CLSTN2: variants seen among roughly 807,000 people sequenced by gnomAD.
CLSTN2 encodes calsyntenin-2.
In CLSTN2, 48 loss-of-function variants were observed where a neutral mutation model predicts 101.2. The observed-to-expected ratio is 0.47, with a 90% confidence interval of 0.38 to 0.60. The LOEUF (loss-of-function observed/expected upper bound fraction) is 0.60. Among genes scored for constraint, CLSTN2 ranks in the 20% least tolerant of loss-of-function variants. The pLI, the probability that CLSTN2 is intolerant of heterozygous loss-of-function variation, is 0.00. For synonymous variants in CLSTN2, 481 were observed against 463.6 expected (o/e 1.04, Z -0.48); for missense variants, 1,160 against 1,238.2 (o/e 0.94, Z 0.95).
intron 8 of CLSTN2, among the ~76,000 whole-genome samples, chr3:140,531,217 T>C (rs1416843450): frequency 6.6e-6 from 1 of 152,162 alleles, no homozygotes; most frequent in Non-Finnish European, 1.5e-5. Flanking sequence ...CCCTCCTGCT[T>C]ACCTTCCAAA....
rs1560086118 is a variant in CLSTN2, at chr3:140,071,660, T to C, written c.110-104291T>C. On this transcript the variant is annotated intron_variant, in intron 1 of 16. Transcript: ENST00000458420. ...TCCTGTCTAACACGGTGAAACCCCA[T>C]CTCTACTAAAAATACAAAAAATTAG... Among the ~76,000 whole-genome samples the C allele has an allele frequency of 3.3e-5, 5 of 151,894 alleles. No homozygotes were observed. The South Asian group carries it at 6.2e-4, about 19-fold the overall frequency.
chr3:140,289,592 A>G (rs1272763508), intron 2 of CLSTN2, among the ~76,000 whole-genome samples: 2 of 152,296 alleles, frequency 1.3e-5, no homozygotes, highest in Non-Finnish European at 1.5e-5. Context: ...TGCCTCCAGA[A>G]TCAAGACCAA....
At chr3:140,081,938 T>C (rs1207767208) in intron 1 of CLSTN2, among the ~76,000 whole-genome samples, 1 of 152,194 alleles carries the variant, frequency 6.6e-6, no homozygotes, top group Non-Finnish European at 1.5e-5. Context: ...TATTGGCTGA[T>C]TCATTTAACT....
intron 2 of CLSTN2, among the ~76,000 whole-genome samples, chr3:140,243,474 G>A (rs1272503255): frequency 2.0e-5 from 3 of 152,210 alleles, no homozygotes; most frequent in Non-Finnish European, 2.9e-5. Flanking sequence ...GCAAGTTTGG[G>A]GGAACATGGG....
chr3:140,233,751 G>T (rs757162317), intron 2 of CLSTN2, among the ~76,000 whole-genome samples: 1 of 152,126 alleles, frequency 6.6e-6, no homozygotes, highest in Admixed American at 6.5e-5. Flanking sequence ...CCTGCATCCA[G>T]CTGGTTTTTT....
In CLSTN2 at chr3:140,370,806, G is replaced by A. The variant is rs577399461; in HGVS notation, c.233-32823G>A. Among the ~76,000 whole-genome samples the A allele has an allele frequency of 5.3e-5, 8 of 152,192 alleles. No homozygotes were observed. The South Asian group carries it at 1.2e-3, about 24-fold the overall frequency. Reference sequence around the variant, plus strand: ...TGATGTGAAGCTCCCAGCAGTTGGGGGCATGCTGGATGCATAAGTACACTT... The same window carrying A: ...TGATGTGAAGCTCCCAGCAGTTGGGAGCATGCTGGATGCATAAGTACACTT... On this transcript the variant is annotated intron_variant, in intron 2 of 16. Transcript: ENST00000458420.
intron 1 of CLSTN2, among the ~76,000 whole-genome samples, chr3:140,065,187 G>C (rs1397375078): frequency 6.6e-6 from 1 of 152,240 alleles, no homozygotes; most frequent in Admixed American, 6.5e-5. Context: ...ATGAGCAGGT[G>C]GTCTTCACCT....
intron 6 of CLSTN2, chr3:140,453,135 G>T (rs1933290818): frequency 6.6e-6 from 1 of 152,208 alleles, no homozygotes; most frequent in Non-Finnish European, 1.5e-5. Context: ...GTAGTCGGTG[G>T]TGCATATGCC....
At chr3:140,493,288 T>C (rs886545625) in intron 8 of CLSTN2, among the ~76,000 whole-genome samples, 1 of 152,190 alleles carries the variant, frequency 6.6e-6, no homozygotes, top group Non-Finnish European at 1.5e-5. Context: ...AGTCAGCAAA[T>C]TGAGAGCCTG....
intron 2 of CLSTN2, among the ~76,000 whole-genome samples, chr3:140,257,047 G>A (rs2086609661): frequency 6.6e-6 from 1 of 152,162 alleles, no homozygotes; most frequent in Non-Finnish European, 1.5e-5. Flanking sequence ...CCAGCACTTT[G>A]AATGGGCACT....
chr3:140,429,873 C>T (rs57048298), intron 5 of CLSTN2, among the ~76,000 whole-genome samples: 3 of 152,048 alleles, frequency 2.0e-5, no homozygotes, highest in Non-Finnish European at 4.4e-5. Context: ...GGCAGTTGGG[C>T]GTGTCTGGGG....
chr3:140,011,159 G>A (rs2007065012), intron 1 of CLSTN2, among the ~76,000 whole-genome samples: 1 of 152,232 alleles, frequency 6.6e-6, no homozygotes, highest in Non-Finnish European at 1.5e-5. Flanking sequence ...CTGAGCTTGA[G>A]CCATGGTGCT....
At chr3:140,286,090 C>A (rs1559829028) in intron 2 of CLSTN2, among the ~76,000 whole-genome samples, 1 of 152,150 alleles carries the variant, frequency 6.6e-6, no homozygotes, top group South Asian at 2.1e-4. Flanking sequence ...CAGATGGCCC[C>A]TGGAGCAAGA....
At chr3:140,355,190 T>G (rs116478622) in intron 2 of CLSTN2, among the ~76,000 whole-genome samples, 98 of 152,316 alleles carry the variant, frequency 6.4e-4, no homozygotes, top group African/African-American at 2.0e-3. Context: ...TAATGACACT[T>G]CTTAGAATGT....
intron 2 of CLSTN2, among the ~76,000 whole-genome samples, chr3:140,385,298 A>G (rs1025962888): frequency 3.3e-5 from 5 of 150,014 alleles, no homozygotes; most frequent in African/African-American, 4.9e-5. Context: ...GCTCACTCTC[A>G]TGATGGCTCA....
chr3:140,418,857 A>G (rs1051966347), intron 4 of CLSTN2, among the ~76,000 whole-genome samples: 1 of 151,990 alleles, frequency 6.6e-6, no homozygotes, highest in Non-Finnish European at 1.5e-5. Flanking sequence ...GCAACTTCGT[A>G]TTCCCTCCTG....
At chr3:139,961,988 T>C (rs1935518443) in intron 1 of CLSTN2, among the ~76,000 whole-genome samples, 2 of 152,174 alleles carry the variant, frequency 1.3e-5, no homozygotes, top group Admixed American at 1.3e-4. Context: ...TTACTTTTAA[T>C]GGCTACATAA....
At chr3:140,466,062 C>T (rs1049950111) in intron 7 of CLSTN2, among the ~76,000 whole-genome samples, 2 of 152,152 alleles carry the variant, frequency 1.3e-5, no homozygotes, top group African/African-American at 2.4e-5. Context: ...ATCTCTAATG[C>T]TGGAAAATCA....
chr3:140,367,699 T>C lies in CLSTN2; in HGVS notation c.233-35930T>C, dbSNP rs140904356. Among the ~76,000 whole-genome samples the C allele has an allele frequency of 2.6e-3, 396 of 152,352 alleles. 2 individuals are homozygous for C. Among genetic ancestry groups the C allele is most frequent in the African/African-American group, 8.3e-3 (347 of 41,588 alleles). ...TTGTGGGGCTCCACAGCATTTTTAATACACGAGGTCCCTAATGTTCTTATT... is the reference window on the plus strand; with the variant it reads ...TTGTGGGGCTCCACAGCATTTTTAACACACGAGGTCCCTAATGTTCTTATT... On this transcript the variant is annotated intron_variant, in intron 2 of 16. Coordinates refer to ENST00000458420, the MANE Select transcript of CLSTN2 (RefSeq NM_022131.3).
Sources: allele counts gnomAD v4.1 joint callset (sites outside exome capture counted in the v4.1 genomes callset), GRCh38; gene constraint gnomAD v4.1.1; transcripts MANE v1.5; gene names NCBI Gene and HGNC (gene_info 2026-07-23, HGNC 2026-07-21).